The following KCND2 variants were observed in gnomAD, a reference collection of about 807,000 sequenced individuals.
The protein encoded by KCND2 is potassium voltage-gated channel subfamily D member 2, also known as A-type voltage-gated potassium channel KCND2.
Under a neutral mutation model 54.4 loss-of-function variants are expected in KCND2, and 16 were observed. That is an observed-to-expected ratio of 0.29 (90% CI 0.20 to 0.45). The LOEUF is 0.45. Ranked by LOEUF, KCND2 falls within the 20% of genes least tolerant of loss-of-function variation. KCND2 has a pLI of 1.00. For synonymous variants in KCND2, 317 were observed against 310.7 expected (o/e 1.02, Z -0.21); for missense variants, 486 against 824.2 (o/e 0.59, Z 5.02).
chr7:120,569,865 A>G (rs934764335), intron 1 of KCND2, among the ~76,000 whole-genome samples: 2 of 152,128 alleles, frequency 1.3e-5, no homozygotes, highest in Non-Finnish European at 2.9e-5. Context: ...GCACAAGACC[A>G]CAACAGTGAC....
At chr7:120,495,876 T>A (rs1376623483) in intron 1 of KCND2, among the ~76,000 whole-genome samples, 1 of 151,954 alleles carries the variant, frequency 6.6e-6, no homozygotes, top group Non-Finnish European at 1.5e-5. Flanking sequence ...AAAAGTAAAA[T>A]GTGTATCTAT....
intron 1 of KCND2, among the ~76,000 whole-genome samples, chr7:120,506,394 T>C (rs989691081): frequency 7.9e-5 from 12 of 151,948 alleles, no homozygotes; most frequent in Middle Eastern, 3.4e-3. Flanking sequence ...TAGCTCCTCT[T>C]TGTTCTATGG....
chr7:120,348,180 A>C (rs568940376), intron 1 of KCND2, among the ~76,000 whole-genome samples: 1 of 152,288 alleles, frequency 6.6e-6, no homozygotes, highest in Admixed American at 6.5e-5. Flanking sequence ...CTATAATGCT[A>C]TCTCTTTGAT....
intron 1 of KCND2, among the ~76,000 whole-genome samples, chr7:120,638,506 A>C (rs558608551): frequency 6.6e-6 from 1 of 152,266 alleles, no homozygotes; most frequent in South Asian, 2.1e-4. Flanking sequence ...TAATAACCAG[A>C]TATTTGCTTT....
At chr7:120,488,875 A>G (rs1281012576) in intron 1 of KCND2, among the ~76,000 whole-genome samples, 3 of 152,090 alleles carry the variant, frequency 2.0e-5, no homozygotes, top group Non-Finnish European at 4.4e-5. Context: ...AAACTACATT[A>G]TATTGTCTAG....
chr7:120,539,521 C>T (rs1465280868), intron 1 of KCND2, among the ~76,000 whole-genome samples: 6 of 152,208 alleles, frequency 3.9e-5, no homozygotes, highest in Non-Finnish European at 5.9e-5. Flanking sequence ...AGGCTCTCCA[C>T]GGCACTTGCT....
chr7:120,577,063 C>T (rs2116435785), intron 1 of KCND2, among the ~76,000 whole-genome samples: 1 of 152,164 alleles, frequency 6.6e-6, no homozygotes, highest in Middle Eastern at 3.4e-3. Context: ...AGGAGAATTG[C>T]TTGAACCCGG....
intron 1 of KCND2, among the ~76,000 whole-genome samples, chr7:120,360,422 C>T (rs1028160312): frequency 6.6e-6 from 1 of 151,962 alleles, no homozygotes; most frequent in South Asian, 2.1e-4. Flanking sequence ...GTTGCATATG[C>T]CATGCTCTTA....
chr7:120,402,451 C>A (rs957233628), intron 1 of KCND2, among the ~76,000 whole-genome samples: 2 of 151,880 alleles, frequency 1.3e-5, no homozygotes, highest in East Asian at 1.9e-4. Context: ...ACTTTTTTTT[C>A]TCAGTTGAAG....
At chr7:120,628,350 A>C (rs1793187424) in intron 1 of KCND2, among the ~76,000 whole-genome samples, 1 of 152,214 alleles carries the variant, frequency 6.6e-6, no homozygotes, top group Admixed American at 6.5e-5. Flanking sequence ...GTGAAACCTC[A>C]GTACTCTTAG....
chr7:120,740,096 G>T (rs752220755), intron 2 of KCND2, among the ~76,000 whole-genome samples: 1 of 152,004 alleles, frequency 6.6e-6, no homozygotes, highest in Non-Finnish European at 1.5e-5. Context: ...GCAGAAGAGT[G>T]TGCAGAGTAT....
intron 1 of KCND2, among the ~76,000 whole-genome samples, chr7:120,388,674 A>G (rs1360870249): frequency 6.6e-6 from 1 of 151,926 alleles, no homozygotes; most frequent in African/African-American, 2.4e-5. Context: ...ACCAATCCAG[A>G]TGAACTAGAA....
intron 5 of KCND2, 152 bp downstream of exon 5, chr7:120,746,179 G>A (rs1793004028): frequency 1.2e-6 from 1 of 848,094 alleles, no homozygotes; most frequent in Non-Finnish European, 1.9e-6. Context: ...TAGGAAAATG[G>A]TTCTGCTTGC....
At chr7:120,658,414 C>T (rs1025998469) in intron 1 of KCND2, among the ~76,000 whole-genome samples, 10 of 152,148 alleles carry the variant, frequency 6.6e-5, no homozygotes, top group African/African-American at 1.9e-4. Flanking sequence ...TTATGATATA[C>T]GCAATGTCTA....
chr7:120,316,439 C>T (rs962551479), intron 1 of KCND2, among the ~76,000 whole-genome samples: 4 of 152,164 alleles, frequency 2.6e-5, no homozygotes, highest in Non-Finnish European at 5.9e-5. Context: ...CTTGAACTTA[C>T]ATTTAAATCA....
At chr7:120,481,357 A>T (rs1485610802) in intron 1 of KCND2, among the ~76,000 whole-genome samples, 1 of 152,248 alleles carries the variant, frequency 6.6e-6, no homozygotes, top group Non-Finnish European at 1.5e-5. Context: ...TTAAAGGCAG[A>T]TTTTTATAAT....
intron 1 of KCND2, among the ~76,000 whole-genome samples, chr7:120,611,241 G>A (rs746804991): frequency 1.4e-4 from 21 of 152,120 alleles, no homozygotes; most frequent in African/African-American, 3.6e-4. Flanking sequence ...CATTTCATTC[G>A]TCAGTGTCTT....
intron 1 of KCND2, among the ~76,000 whole-genome samples, chr7:120,618,388 A>G (rs1793055306): frequency 6.6e-6 from 1 of 152,228 alleles, no homozygotes; most frequent in Non-Finnish European, 1.5e-5. Context: ...TCCAATGATC[A>G]TTAATGTATT....
chr7:120,508,891 ATT>A (rs57245091), intron 1 of KCND2, among the ~76,000 whole-genome samples: 5 of 138,210 alleles, frequency 3.6e-5, no homozygotes, highest in East Asian at 2.1e-4. Flanking sequence ...GCCTTTCACG[ATT>A]TTTTTTTTTT....
Sources: gnomAD v4.1 joint callset for allele counts (sites outside exome capture counted in the v4.1 genomes callset) on GRCh38, gnomAD v4.1.1 for gene constraint, MANE v1.5 for transcripts, NCBI Gene and HGNC (gene_info 2026-07-23, HGNC 2026-07-21) for gene names.